Variants in HPSE2 observed in about 807,000 individuals in gnomAD.
The protein encoded by HPSE2 is inactive heparanase-2.
HPSE2 carries 38 observed loss-of-function variants against 60.5 expected under a neutral mutation model. The observed-to-expected ratio is 0.63, with a 90% confidence interval of 0.48 to 0.82. HPSE2 has a LOEUF of 0.82. HPSE2 is among the 40% of genes least tolerant of loss of function. The pLI is 0.00. For missense variants in HPSE2, 713 were observed against 740.4 expected (o/e 0.96, Z 0.43); for synonymous variants, 295 against 293.2 (o/e 1.01, Z -0.06).
chr10:98,595,238 C>T (rs111970298), intron 9 of HPSE2, among the ~76,000 whole-genome samples: 12,973 of 143,050 alleles, frequency 0.091, 617 homozygotes, highest in East Asian at 0.19. Flanking sequence ...GGTGCAATCT[C>T]GGCTCACTGC....
chr10:99,103,923 C>T (rs571108586), intron 3 of HPSE2, among the ~76,000 whole-genome samples: 17 of 152,278 alleles, frequency 1.1e-4, no homozygotes, highest in Admixed American at 9.8e-4. Flanking sequence ...GGAAAACTGG[C>T]TAGCCATATG....
intron 9 of HPSE2, among the ~76,000 whole-genome samples, chr10:98,495,512 A>G (rs570804645): frequency 2.0e-5 from 3 of 152,084 alleles, no homozygotes; most frequent in African/African-American, 7.2e-5. Context: ...CACAGTGTGT[A>G]TATTAGTCCA....
At chr10:98,567,748 G>GGTGTGTGTGTGT (rs57706769) in intron 9 of HPSE2, among the ~76,000 whole-genome samples, 3 of 151,202 alleles carry the variant, frequency 2.0e-5, no homozygotes, top group African/African-American at 7.3e-5. Context: ...ACAAATGGAT[G>GGTGTGTGTGTGT]GTGTGTGTGT....
intron 9 of HPSE2, among the ~76,000 whole-genome samples, chr10:98,610,047 T>C (rs1480365461): frequency 1.3e-5 from 2 of 152,116 alleles, no homozygotes; most frequent in Admixed American, 6.5e-5. Context: ...TTCACTATGT[T>C]AGCCAGGATG....
rs892728309 is a variant in HPSE2 at position 98,736,806 on chromosome 10, A to T, written c.784+7077T>A. Among the ~76,000 whole-genome samples, 15 of 152,360 alleles carry T rather than the reference A, an allele frequency of 9.8e-5. No homozygotes were observed. In the East Asian group the frequency reaches 1.3e-3, roughly 14 times the overall value. ...CTGTATATTCACTCTGTGTCATAGT[A>T]TGTTATGCCAAGCTATAAAGTAGTG... is the stretch of plus-strand genomic sequence containing the variant. On this transcript the variant is annotated intron_variant, in intron 4 of 11. Transcript: ENST00000370552.
intron 3 of HPSE2, among the ~76,000 whole-genome samples, chr10:98,894,872 C>A (rs1953439472): frequency 6.7e-6 from 1 of 150,302 alleles, no homozygotes. Context: ...TAAAAGCAGC[C>A]AGAGAGAAAA....
rs569317509 is a variant in HPSE2, at chr10:99,137,210, A to C, written c.610+7028T>G. ...GGATGTGAAGTACCTCTTCAAGGAG[A>C]ACTACAAACCACTGCTCAGTGAAAT... On this transcript the variant is annotated intron_variant, in intron 3 of 11. Transcript: ENST00000370552. Among the ~76,000 whole-genome samples, 9 of 152,340 alleles carry C rather than the reference A, an allele frequency of 5.9e-5. No homozygotes were observed. In the South Asian group the frequency reaches 1.9e-3, roughly 32 times the overall value.
chr10:98,679,310 G>A (rs1452651441), intron 6 of HPSE2, among the ~76,000 whole-genome samples: 1 of 152,144 alleles, frequency 6.6e-6, no homozygotes, highest in Non-Finnish European at 1.5e-5. Flanking sequence ...AGTAGTCCTT[G>A]AGATCAAAAC....
intron 9 of HPSE2, among the ~76,000 whole-genome samples, chr10:98,598,155 G>A (rs1385773221): frequency 6.6e-6 from 1 of 150,746 alleles, no homozygotes; most frequent in African/African-American, 2.4e-5. Flanking sequence ...TATGTTACCT[G>A]TTGCCTTAGG....
At chr10:98,992,935 A>G (rs1245874881) in intron 3 of HPSE2, among the ~76,000 whole-genome samples, 1 of 152,224 alleles carries the variant, frequency 6.6e-6, no homozygotes, top group Non-Finnish European at 1.5e-5. Flanking sequence ...CAATGGGGAT[A>G]ATAGTTATGG....
chr10:99,154,219 A>C (rs1280954111), intron 2 of HPSE2, among the ~76,000 whole-genome samples: 1 of 141,612 alleles, frequency 7.1e-6, no homozygotes, highest in Non-Finnish European at 1.5e-5. Context: ...CTAGCAAGGC[A>C]GGCCAACATT....
At chr10:98,541,773 C>A (rs1330936914) in intron 9 of HPSE2, among the ~76,000 whole-genome samples, 1 of 146,348 alleles carries the variant, frequency 6.8e-6, no homozygotes, top group African/African-American at 2.5e-5. Flanking sequence ...GGGAGGGGCA[C>A]CCGCCATTGC....
At chr10:98,743,713 G>C (rs1949557120) in intron 4 of HPSE2, among the ~76,000 whole-genome samples, 170 bp downstream of exon 4, 1 of 152,190 alleles carries the variant, frequency 6.6e-6, no homozygotes, top group African/African-American at 2.4e-5. Flanking sequence ...TAAATATACT[G>C]TCCTTCACTA....
chr10:99,180,769 A>G (rs1168825563), intron 2 of HPSE2, among the ~76,000 whole-genome samples: 1 of 151,792 alleles, frequency 6.6e-6, no homozygotes, highest in East Asian at 1.9e-4. Context: ...AGGCATCTGT[A>G]GTTCCAGCTA....
chr10:99,250,652 A>G, the HPSE2 span, among the ~76,000 whole-genome samples: 1 of 152,180 alleles, frequency 6.6e-6, no homozygotes, highest in African/African-American at 2.4e-5. Context: ...CCTACCAACC[A>G]TACTCCTGGA....
intron 5 of HPSE2, among the ~76,000 whole-genome samples, chr10:98,708,067 T>C (rs182531399): frequency 3.9e-5 from 6 of 152,318 alleles, no homozygotes; most frequent in Non-Finnish European, 7.3e-5. Context: ...ATGTGATTTG[T>C]TGTCTACTTG....
chr10:98,564,303 T>C (rs1219689976), intron 9 of HPSE2, among the ~76,000 whole-genome samples: 1 of 152,232 alleles, frequency 6.6e-6, no homozygotes, highest in Non-Finnish European at 1.5e-5. Context: ...AGCAAGTTCC[T>C]TTACTCTCTG....
At position 99,164,956 on chromosome 10, in the gene HPSE2, G is replaced by A. The variant is rs186320759; in HGVS notation, c.449-20557C>T. ...AAATTAGCTGGGCATGGTGGCGCAC[G>A]CCTGCGGTCCCAGCTACTCGGGATC... On this transcript the variant is annotated intron_variant, in intron 2 of 11. Transcript: ENST00000370552. Among the ~76,000 whole-genome samples, 289 of 152,032 alleles carry A rather than the reference G, an allele frequency of 1.9e-3. 2 individuals carry two copies. The highest frequency in any genetic ancestry group is 6.4e-3 in the African/African-American group (265 of 41,498).
intron 9 of HPSE2, among the ~76,000 whole-genome samples, chr10:98,524,666 G>A (rs1942906698): frequency 6.6e-6 from 1 of 152,114 alleles, no homozygotes; most frequent in South Asian, 2.1e-4. Flanking sequence ...GAAAGTATTG[G>A]TAGAAAGCAC....
Sources: gnomAD v4.1 joint callset for allele counts (sites outside exome capture counted in the v4.1 genomes callset) on GRCh38, gnomAD v4.1.1 for gene constraint, MANE v1.5 for transcripts, NCBI Gene and HGNC (gene_info 2026-07-23, HGNC 2026-07-21) for gene names.